Variants in TSC2 observed in about 807,000 individuals in gnomAD.
TSC2 encodes the protein tuberin.
Under a neutral mutation model 202.2 loss-of-function variants are expected in TSC2, and 29 were observed. The ratio of observed to expected loss-of-function variants is 0.14; its 90% CI spans 0.11 to 0.20. TSC2 has a LOEUF of 0.20. TSC2 is among the 10% of genes least tolerant of loss of function. TSC2 has a pLI of 1.00. For synonymous variants in TSC2, 1,349 were observed against 1,044.0 expected, an observed-to-expected ratio of 1.29 and a Z score of -5.63; for missense variants, 2,429 against 2,420.0, an observed-to-expected ratio of 1.00 and a Z score of -0.08.
Position 2,079,571 on chromosome 16 carries a change from T to G in TSC2, c.3299T>G (p.Val1100Gly), listed in dbSNP as rs2089868343. 1 of 1,610,544 alleles carries G rather than the reference T, an allele frequency of 6.2e-7. No individual in the cohort carries two copies. The highest frequency in any genetic ancestry group is 1.7e-5 in the Admixed American group (1 of 59,758). ...SGPESSSSPG[V>G]HVRQTKEAPA... is the part of the protein sequence containing the mutation. The stretch of plus-strand genomic sequence containing the variant: ...TCTCTTCTCAGCTCCAGCCCCGGGG[T>G]GCATGTGAGACAGACCAAGGAGGCG... The change falls in exon 29 of 42, where the codon GTG (valine) becomes GGG (glycine). Residue 1100 changes from valine to glycine, a missense_variant. Coordinates refer to ENST00000219476, the MANE Select transcript of TSC2 (RefSeq NM_000548.5). This position sits in a 1 kb window ranked among gnomAD's most constrained non-coding sequence, Gnocchi z 4.6.
chr16:2,088,898 C>CA lies in TSC2; in HGVS notation c.*289dup. 2.3e-6 allele frequency: 1 copy of CA among 431,588 alleles called. No individual in the cohort carries two copies. Among genetic ancestry groups the CA allele is most frequent in the Non-Finnish European group, 4.3e-6 (1 of 234,998 alleles). 26.7% of individuals were successfully genotyped at this position (431,588 alleles called of 1,614,324 possible). Reference sequence around the variant, plus strand: ...GCGCGCGCGCACACACACACACACACAGTCACCTTCCTCCACCCTGGGAGC... The same window carrying CA: ...GCGCGCGCGCACACACACACACACACAAGTCACCTTCCTCCACCCTGGGAGC... On this transcript the variant is annotated 3_prime_UTR_variant, in exon 42 of 42. Coordinates refer to ENST00000219476, the MANE Select transcript of TSC2 (RefSeq NM_000548.5).
At chr16:2,085,172 TG>T (rs2090611115) in intron 35 of TSC2, 57 bp from the exon 36 acceptor site, 4 of 1,608,698 alleles carry the variant, frequency 2.5e-6, no homozygotes, top group East Asian at 2.2e-5. Flanking sequence ...CCGGCCTGGG[TG>T]GGGCGGCCTC....
chr16:2,081,752 G>A lies in TSC2; in HGVS notation c.3768G>A (p.Pro1256=), dbSNP rs201599540. Residue 1256 remains proline (P), a synonymous_variant, in exon 31 of 42, where the codon CCG becomes CCA. Coordinates refer to ENST00000219476, the MANE Select transcript of TSC2 (RefSeq NM_000548.5). ...CCCTGTACAAGTCACTGTCGGTGCC[G>A]GCAGCCAGCACGGCCAAACCCCCTC... ...DTALYKSLSV[P]AASTAKPPPL... 69 of 1,612,824 alleles carry A rather than the reference G, an allele frequency of 4.3e-5. No individual in the cohort carries two copies. In the Middle Eastern group the frequency reaches 5.0e-4, roughly 12 times the overall value.
intron 32 of TSC2, 81 bp downstream of exon 32, chr16:2,082,585 C>A (rs1179443571): frequency 1.3e-6 from 2 of 1,496,836 alleles, no homozygotes; most frequent in Non-Finnish European, 1.8e-6. Flanking sequence ...CTCATCCGCC[C>A]ACCCCCATGG....
rs935521633 is a variant in TSC2, at chr16:2,088,288, T to C, written c.5222T>C (p.Ile1741Thr). Residue 1741 changes from isoleucine (I) to threonine (T), a missense_variant, in exon 41 of 42, where the codon ATT becomes ACT. Coordinates refer to ENST00000219476, the MANE Select transcript of TSC2 (RefSeq NM_000548.5). The part of the protein sequence containing the change: ...NPTDIYPSKW[I>T]ARLRHIKRLR... The stretch of plus-strand genomic sequence containing the variant: ...ACCGATATCTACCCCTCCAAGTGGA[T>C]TGCCCGGCTCCGCCACATCAAGCGG... The C allele has an allele frequency of 6.2e-7, 1 of 1,612,908 alleles. No individual in the cohort carries two copies. Among genetic ancestry groups the C allele is most frequent in the East Asian group, 2.2e-5 (1 of 44,880 alleles).
chr16:2,049,198 GC>G (rs1271009125), intron 2 of TSC2, among the ~76,000 whole-genome samples: 2 of 151,982 alleles, frequency 1.3e-5, no homozygotes, highest in Admixed American at 1.3e-4. Context: ...TGGTTCTCCT[GC>G]CTCAGCCTCC....
At chr16:2,052,485 T>A (rs2238374) in intron 3 of TSC2, among the ~76,000 whole-genome samples, 64,569 of 151,952 alleles carry the variant, frequency 0.42, 15,935 homozygotes, top group East Asian at 0.81. Context: ...AAGTTTTGTA[T>A]TTTTTGTCGT....
chr16:2,060,227 G>A (rs750377871), intron 10 of TSC2, among the ~76,000 whole-genome samples: 3 of 152,144 alleles, frequency 2.0e-5, no homozygotes, highest in African/African-American at 4.8e-5. Flanking sequence ...AGGGTGGGGC[G>A]ATCACGTCGT....
At position 2,048,605 on chromosome 16, in the gene TSC2, C is replaced by G. The variant is rs1359835338; in HGVS notation, c.-11C>G. On this transcript the variant is annotated 5_prime_UTR_variant, in exon 2 of 42. Coordinates refer to ENST00000219476, the MANE Select transcript of TSC2 (RefSeq NM_000548.5). ...TGCACAGAGGGGTTTTCTGGTGCGT[C>G]CTGGTCCACCATGGCCAAACCAACA... The G allele has an allele frequency of 1.9e-6, 3 of 1,613,588 alleles. No individual in the cohort carries two copies. The highest frequency in any genetic ancestry group is 2.7e-5 in the African/African-American group (2 of 74,884).
intron 30 of TSC2, chr16:2,080,890 A>C: frequency 1.8e-5 from 3 of 170,006 alleles, no homozygotes; most frequent in South Asian, 2.8e-4. Context: ...CATGGCAGAG[A>C]GTTGCCCTCC....
chr16:2,059,638 G>A (rs2086385784), intron 10 of TSC2, among the ~76,000 whole-genome samples: 1 of 150,920 alleles, frequency 6.6e-6, no homozygotes, highest in African/African-American at 2.4e-5. Flanking sequence ...TCCTGCCTCA[G>A]CCTCCTGAGT....
rs1191993288 is a variant in TSC2, at chr16:2,086,264, G to A, written c.4734G>A (p.Leu1578=). Residue 1578 remains leucine (L), a synonymous_variant, in exon 37 of 42, where the codon CTG becomes CTA. Transcript: ENST00000219476. ...GGTACACGGAGTTCCTGACGGGCCT[G>A]GGCCGGCTCATCGAGCTGAAGGACT... is the stretch of plus-strand genomic sequence containing the variant. ...SYRYTEFLTG[L]GRLIELKDCQ... The A allele has an allele frequency of 6.2e-7, 1 of 1,612,734 alleles. No individual in the cohort carries two copies. Among genetic ancestry groups the A allele is most frequent in the African/African-American group, 1.3e-5 (1 of 74,926 alleles).
At chr16:2,062,736 T>A in intron 13 of TSC2, 136 bp downstream of exon 13, 1 of 1,044,748 alleles carries the variant, frequency 9.6e-7, no homozygotes, top group Non-Finnish European at 1.4e-6. Context: ...TGGCTCTGGG[T>A]GAGCAGGTGC....
intron 5 of TSC2, 119 bp downstream of exon 5, chr16:2,054,559 GC>G: frequency 2.1e-6 from 3 of 1,460,236 alleles, no homozygotes; most frequent in Non-Finnish European, 2.8e-6. Flanking sequence ...CAGCGGGTAT[GC>G]CCACCCTGCT....
Position 2,075,787 on chromosome 16 carries a change from C to T in TSC2, c.2546-12C>T, listed in dbSNP as rs13331451. The stretch of plus-strand genomic sequence containing the variant: ...ACCCCGGCTCCCCTGACCACCCTCT[C>T]CATTACCGCAGCTCTGGCCAGGCTG... On this transcript the variant is annotated splice_polypyrimidine_tract_variant and intron_variant, in intron 22 of 41. Transcript: ENST00000219476. The T allele has an allele frequency of 0.092, 147,835 of 1,611,716 alleles. 15,696 individuals are homozygous for T. The highest frequency in any genetic ancestry group is 0.55 in the African/African-American group (41,264 of 74,966).
At chr16:2,064,529 C>T in intron 15 of TSC2, 102 bp downstream of exon 15, 1 of 1,567,682 alleles carries the variant, frequency 6.4e-7, no homozygotes, top group Non-Finnish European at 8.7e-7. Flanking sequence ...GACCGGATGG[C>T]TGTGTCCGTA....
At position 2,084,390 on chromosome 16, in the gene TSC2, G is replaced by A. The variant is rs397515033; in HGVS notation, c.4168G>A (p.Glu1390Lys). 6.2e-7 allele frequency: 1 copy of A among 1,612,188 alleles called. No individual in the cohort carries two copies. The highest frequency in any genetic ancestry group is 8.5e-7 in the Non-Finnish European group (1 of 1,179,816). The change falls in exon 34 of 42, where the codon GAG becomes AAG. Residue 1390 changes from glutamate (E) to lysine (K), a missense_variant. Glu to Lys is a moderately conservative substitution (Grantham distance 56, BLOSUM62 1). Coordinates refer to ENST00000219476, the MANE Select transcript of TSC2 (RefSeq NM_000548.5). ...CCTGAGCAAGTCCAGCTCCTCTCCC[G>A]AGCTGCAGACTCTGCAGGACATCCT... ...QPLSKSSSSP[E>K]LQTLQDILGD...
chr16:2,083,834 C>G lies in TSC2; in HGVS notation c.4005+18C>G, dbSNP rs1339579825. ...ACAGCAGGGTGAGTGTGGCTCAGAG[C>G]CTGGACCCTGCTGACCTCGGGGGGC... is the stretch of plus-strand genomic sequence containing the variant. On this transcript the variant is annotated intron_variant, in intron 33 of 41. Coordinates refer to ENST00000219476, the MANE Select transcript of TSC2 (RefSeq NM_000548.5). 1.2e-6 allele frequency: 2 copies of G among 1,606,938 alleles called. No individual in the cohort carries two copies. Among genetic ancestry groups the G allele is most frequent in the East Asian group, 4.5e-5 (2 of 44,676 alleles).
chr16:2,064,212 T>C (rs961088336), intron 14 of TSC2, 60 bp from the exon 15 acceptor site: 2 of 1,612,760 alleles, frequency 1.2e-6, no homozygotes, highest in Non-Finnish European at 8.5e-7. Flanking sequence ...GAATTGGAAG[T>C]GTCACGAGAT....
Sources: gnomAD v4.1 joint callset for allele counts (sites outside exome capture counted in the v4.1 genomes callset) on GRCh38, gnomAD v4.1.1 for gene constraint, Gnocchi (gnomAD v3.1) non-coding constraint, MANE v1.5 for transcripts, NCBI Gene and HGNC (gene_info 2026-07-23, HGNC 2026-07-21) for gene names.